MITF: variants seen among roughly 807,000 people sequenced by gnomAD.
MITF encodes the protein melanocyte inducing transcription factor.
MITF carries 17 observed loss-of-function variants against 60.5 expected under a neutral mutation model. That is an observed-to-expected ratio of 0.28 (90% confidence interval 0.19 to 0.42). The LOEUF (loss-of-function observed/expected upper bound fraction) is 0.42. MITF is among the 10% of genes least tolerant of loss of function. MITF has a pLI of 1.00. For synonymous variants in MITF, 260 were observed against 248.5 expected (o/e 1.05, Z -0.43); for missense variants, 622 against 683.5 (o/e 0.91, Z 1.00).
At chr3:69,882,930 A>G (rs920547367) in intron 2 of MITF, among the ~76,000 whole-genome samples, 5 of 152,280 alleles carry the variant, frequency 3.3e-5, no homozygotes, top group African/African-American at 9.6e-5. Flanking sequence ...ATTAGTTTAC[A>G]GTTTGAAAAT....
At chr3:69,875,194 G>A (rs1182589015) in intron 1 of MITF, among the ~76,000 whole-genome samples, 1 of 152,156 alleles carries the variant, frequency 6.6e-6, no homozygotes, top group African/African-American at 2.4e-5. Context: ...TCCTCCTCGA[G>A]CCATTGCTGA....
chr3:69,908,455 T>C (rs1363175268), intron 2 of MITF, among the ~76,000 whole-genome samples: 2 of 152,224 alleles, frequency 1.3e-5, no homozygotes, highest in Non-Finnish European at 2.9e-5. Flanking sequence ...TTTTAAAAAG[T>C]ACTGAGTAGA....
At chr3:69,847,997 A>G (rs1011961808) in intron 1 of MITF, among the ~76,000 whole-genome samples, 1 of 152,098 alleles carries the variant, frequency 6.6e-6, no homozygotes, top group Non-Finnish European at 1.5e-5. Context: ...CTTCTTTTCT[A>G]TTTCATGAAA....
At chr3:69,856,334 G>A (rs1256651652) in intron 1 of MITF, among the ~76,000 whole-genome samples, 1 of 152,138 alleles carries the variant, frequency 6.6e-6, no homozygotes, top group Non-Finnish European at 1.5e-5. Flanking sequence ...GCCACGAATG[G>A]AAATAGGTAT....
chr3:69,868,297 G>T (rs552427053), intron 1 of MITF, among the ~76,000 whole-genome samples: 1 of 152,254 alleles, frequency 6.6e-6, no homozygotes, highest in Admixed American at 6.5e-5. Flanking sequence ...GAAAACTGAG[G>T]CTTGGATAGG....
chr3:69,933,280 A>C (rs1468425001), intron 2 of MITF, among the ~76,000 whole-genome samples: 1 of 152,176 alleles, frequency 6.6e-6, no homozygotes, highest in African/African-American at 2.4e-5. Context: ...AATAGTAGAG[A>C]GAATAGAAGA....
intron 1 of MITF, among the ~76,000 whole-genome samples, chr3:69,857,964 G>A (rs62253182): frequency 0.14 from 21,152 of 152,002 alleles, 1,630 homozygotes; most frequent in South Asian, 0.18. Flanking sequence ...CTCTATATCT[G>A]TATTACCAGC....
chr3:69,878,959 A>C (rs1240336327), intron 1 of MITF, 175 bp from the exon 2 acceptor site: 1 of 623,010 alleles, frequency 1.6e-6, no homozygotes, highest in Non-Finnish European at 2.9e-6. Context: ...TCAACTACTA[A>C]TGACTTAAAT....
intron 3 of MITF, chr3:69,938,262 C>G: frequency 8.0e-7 from 1 of 1,246,786 alleles, no homozygotes; most frequent in African/African-American, 1.5e-5. Context: ...AGACCTGGCC[C>G]TCTCCAAGTG....
chr3:69,774,407 G>A (rs2062441496), intron 1 of MITF, among the ~76,000 whole-genome samples: 1 of 152,128 alleles, frequency 6.6e-6, no homozygotes, highest in Non-Finnish European at 1.5e-5. Context: ...TGATGTTATA[G>A]TGCTCCTTCT....
At chr3:69,833,221 A>C (rs749134645) in intron 1 of MITF, among the ~76,000 whole-genome samples, 3 of 147,336 alleles carry the variant, frequency 2.0e-5, no homozygotes, top group Admixed American at 2.0e-4. Context: ...GCATGTGGTT[A>C]TTTCCCTGTT....
At chr3:69,816,192 A>C (rs2063178958) in intron 1 of MITF, among the ~76,000 whole-genome samples, 1 of 152,108 alleles carries the variant, frequency 6.6e-6, no homozygotes, top group South Asian at 2.1e-4. Context: ...CTATTCAGCC[A>C]AAGACTCAGG....
intron 1 of MITF, among the ~76,000 whole-genome samples, chr3:69,857,535 T>C (rs2063940410): frequency 6.6e-6 from 1 of 151,908 alleles, no homozygotes; most frequent in Non-Finnish European, 1.5e-5. Flanking sequence ...TTTTTTTTTT[T>C]CAAATTTTCA....
intron 1 of MITF, among the ~76,000 whole-genome samples, chr3:69,827,396 G>T (rs1385047299): frequency 6.6e-6 from 1 of 152,166 alleles, no homozygotes; most frequent in Non-Finnish European, 1.5e-5. Context: ...TCTGATCTTT[G>T]TCCAATTCCT....
chr3:69,761,903 C>A (rs977694724), intron 1 of MITF, among the ~76,000 whole-genome samples: 1 of 152,222 alleles, frequency 6.6e-6, no homozygotes, highest in Non-Finnish European at 1.5e-5. Flanking sequence ...TCCTTGTGTT[C>A]TACTACTGAA....
chr3:69,872,266 A>G (rs1462259171), intron 1 of MITF, among the ~76,000 whole-genome samples: 1 of 152,180 alleles, frequency 6.6e-6, no homozygotes, highest in Non-Finnish European at 1.5e-5. Flanking sequence ...ATCTTTTAGT[A>G]AGAACTTGAT....
chr3:69,792,829 AT>A (rs1382623033), intron 1 of MITF, among the ~76,000 whole-genome samples: 1 of 151,808 alleles, frequency 6.6e-6, no homozygotes, highest in African/African-American at 2.4e-5. Context: ...CCCACTAAAA[AT>A]TTCCTCTCCT....
chr3:69,753,511 A>T (rs563859689), intron 1 of MITF, among the ~76,000 whole-genome samples: 1 of 152,334 alleles, frequency 6.6e-6, no homozygotes, highest in South Asian at 2.1e-4. Context: ...AGAATGGTAG[A>T]TCTACTGGCA....
At chr3:69,799,193 G>C (rs1559637511) in intron 1 of MITF, among the ~76,000 whole-genome samples, 1 of 152,186 alleles carries the variant, frequency 6.6e-6, no homozygotes, top group Non-Finnish European at 1.5e-5. Context: ...TTTAGGATGT[G>C]AGGTTCATCC....
Sources: allele counts gnomAD v4.1 joint callset (sites outside exome capture counted in the v4.1 genomes callset), GRCh38; gene constraint gnomAD v4.1.1; transcripts MANE v1.5; gene names NCBI Gene and HGNC (gene_info 2026-07-23, HGNC 2026-07-21).